The following ANKRD11 variants were observed in gnomAD, a reference collection of about 807,000 sequenced individuals.
ANKRD11 encodes ankyrin repeat domain 11.
A neutral mutation model predicts 195.7 loss-of-function variants in ANKRD11; 17 were observed. That is an observed-to-expected ratio of 0.09 (90% CI 0.06 to 0.13). The LOEUF is 0.13. Among genes scored for constraint, ANKRD11 ranks in the 10% least tolerant of loss-of-function variants. The pLI is 1.00. For missense variants in ANKRD11, 3,735 were observed against 3,566.1 expected (o/e 1.05, Z -1.21); for synonymous variants, 1,953 against 1,528.1 (o/e 1.28, Z -6.49).
chr16:89,468,224 C>T (rs2056951099), intron 1 of ANKRD11, among the ~76,000 whole-genome samples: 1 of 152,234 alleles, frequency 6.6e-6, no homozygotes, highest in African/African-American at 2.4e-5. Flanking sequence ...TGGATGACTA[C>T]AGCAAAACTA....
At chr16:89,424,761 T>G (rs895269635) in intron 1 of ANKRD11, among the ~76,000 whole-genome samples, 2 of 152,122 alleles carry the variant, frequency 1.3e-5, no homozygotes, top group Non-Finnish European at 2.9e-5. Context: ...GGGGCAAATG[T>G]GGCTAGAAAA....
At chr16:89,368,098 C>T (rs1444792666) in intron 2 of ANKRD11, among the ~76,000 whole-genome samples, 2 of 152,232 alleles carry the variant, frequency 1.3e-5, no homozygotes, top group Non-Finnish European at 2.9e-5. Context: ...TAGTCCTGTT[C>T]ACAGTGCTCA....
chr16:89,475,120 T>TAA (rs2057213448), intron 1 of ANKRD11, among the ~76,000 whole-genome samples: 1 of 152,200 alleles, frequency 6.6e-6, no homozygotes, highest in Non-Finnish European at 1.5e-5. Context: ...CAGACCCTCT[T>TAA]GACTGTGACG....
intron 3 of ANKRD11, among the ~76,000 whole-genome samples, chr16:89,313,786 G>A (rs1427864842): frequency 3.9e-5 from 6 of 152,160 alleles, no homozygotes; most frequent in Non-Finnish European, 8.8e-5. Context: ...AACCAGGAGT[G>A]CGTCTTCCCA....
chr16:89,365,524 G>A (rs2039907407), intron 2 of ANKRD11, among the ~76,000 whole-genome samples: 1 of 152,218 alleles, frequency 6.6e-6, no homozygotes, highest in African/African-American at 2.4e-5. Context: ...CCCAAGAAAT[G>A]GCTCCAGGAT....
chr16:89,271,320 C>A, intron 11 of ANKRD11: 1 of 302,538 alleles, frequency 3.3e-6, no homozygotes, highest in Non-Finnish European at 6.5e-6. Flanking sequence ...TCACCGCAGC[C>A]TCCACCTCCA....
chr16:89,270,534 C>T (rs1318446680), intron 12 of ANKRD11: 4 of 484,184 alleles, frequency 8.3e-6, no homozygotes, highest in African/African-American at 7.9e-5. Context: ...CAGGGCAGTC[C>T]CAGGAGTTCT....
intron 2 of ANKRD11, among the ~76,000 whole-genome samples, chr16:89,389,007 T>TC (rs1313128472): frequency 6.6e-6 from 1 of 152,116 alleles, no homozygotes; most frequent in Non-Finnish European, 1.5e-5. Flanking sequence ...ATGTCCAGCA[T>TC]CCCATCAAAT....
intron 2 of ANKRD11, among the ~76,000 whole-genome samples, chr16:89,331,592 C>G (rs1242965781): frequency 6.6e-6 from 1 of 152,076 alleles, no homozygotes; most frequent in Non-Finnish European, 1.5e-5. Flanking sequence ...TGAGAAAGTT[C>G]AAGGCACCCA....
At chr16:89,304,437 G>A (rs368447248) in intron 4 of ANKRD11, among the ~76,000 whole-genome samples, 18 of 150,414 alleles carry the variant, frequency 1.2e-4, no homozygotes, top group African/African-American at 4.4e-4. Flanking sequence ...GGCACACACA[G>A]GCACACAAAA....
intron 7 of ANKRD11, chr16:89,287,304 A>T: frequency 2.8e-6 from 1 of 354,856 alleles, no homozygotes; most frequent in South Asian, 2.2e-5. Flanking sequence ...TTAAGGGCCC[A>T]TGGGGCTGCC....
At chr16:89,377,458 C>T (rs955529863) in intron 2 of ANKRD11, among the ~76,000 whole-genome samples, 3 of 150,904 alleles carry the variant, frequency 2.0e-5, no homozygotes, top group African/African-American at 4.9e-5. Flanking sequence ...CATGAAGAGA[C>T]TGCGGACATG....
chr16:89,333,790 A>C (rs1597683123), intron 2 of ANKRD11, among the ~76,000 whole-genome samples: 1 of 152,182 alleles, frequency 6.6e-6, no homozygotes, highest in South Asian at 2.1e-4. Flanking sequence ...CCATTTTGTG[A>C]AAGTGAAATA....
intron 2 of ANKRD11, chr16:89,343,605 G>C (rs1256387697): frequency 6.6e-6 from 1 of 152,210 alleles, no homozygotes; most frequent in Non-Finnish European, 1.5e-5. Context: ...ACCTCGTTCA[G>C]AACCTCACCC....
intron 1 of ANKRD11, among the ~76,000 whole-genome samples, chr16:89,441,849 C>G (rs934888301): frequency 6.8e-6 from 1 of 146,376 alleles, no homozygotes; most frequent in African/African-American, 2.5e-5. Flanking sequence ...ACAGTGTCCA[C>G]AAGCAGGAAT....
chr16:89,360,151 T>G (rs546546656), intron 2 of ANKRD11, among the ~76,000 whole-genome samples: 5 of 152,192 alleles, frequency 3.3e-5, no homozygotes, highest in Non-Finnish European at 5.9e-5. Flanking sequence ...AGTCAGAACA[T>G]GTAGTATTTG....
intron 1 of ANKRD11, among the ~76,000 whole-genome samples, chr16:89,488,508 C>T (rs1324477747): frequency 6.8e-6 from 1 of 147,522 alleles, no homozygotes; most frequent in Non-Finnish European, 1.5e-5. Context: ...TGTAATCATT[C>T]TCTAACAGAA....
chr16:89,406,542 C>G (rs2041915178), intron 2 of ANKRD11, among the ~76,000 whole-genome samples: 1 of 152,208 alleles, frequency 6.6e-6, no homozygotes, highest in African/African-American at 2.4e-5. Flanking sequence ...ACACAGGCAC[C>G]AGAGGCTGCA....
intron 1 of ANKRD11, among the ~76,000 whole-genome samples, chr16:89,447,001 T>A (rs146871868): frequency 6.6e-6 from 1 of 152,004 alleles, no homozygotes; most frequent in Non-Finnish European, 1.5e-5. Flanking sequence ...GAAGCAAAGC[T>A]TGGAAAGGAC....
Sources: allele counts gnomAD v4.1 joint callset (sites outside exome capture counted in the v4.1 genomes callset), GRCh38; gene constraint gnomAD v4.1.1; transcripts MANE v1.5; gene names NCBI Gene and HGNC (gene_info 2026-07-23, HGNC 2026-07-21).